Variants in PDE4C observed in about 807,000 individuals in gnomAD.
PDE4C encodes phosphodiesterase 4C, also known as 3',5'-cyclic-AMP phosphodiesterase 4C.
PDE4C carries 50 observed loss-of-function variants against 63.9 expected under a neutral mutation model. The ratio of observed to expected loss-of-function variants is 0.78; its 90% CI spans 0.62 to 0.99. PDE4C has a LOEUF of 0.99. Ranked by LOEUF, PDE4C falls within the 50% of genes least tolerant of loss-of-function variation. The pLI is 0.00. For synonymous variants in PDE4C, 377 were observed against 385.1 expected (o/e 0.98, Z 0.25); for missense variants, 777 against 899.1 (o/e 0.86, Z 1.74).
upstream of PDE4C, among the ~76,000 whole-genome samples, chr19:18,249,669 G>A (rs1484375033): frequency 6.8e-6 from 1 of 147,546 alleles, no homozygotes; most frequent in African/African-American, 2.5e-5. Flanking sequence ...CGCCTCCCTG[G>A]TTCAAGCGAT....
chr19:18,244,103 G>A (rs767852257), intron 1 of PDE4C, among the ~76,000 whole-genome samples: 9 of 151,668 alleles, frequency 5.9e-5, no homozygotes, highest in Non-Finnish European at 8.8e-5. Context: ...CTAACTCCTG[G>A]CCTCAAGTAA....
chr19:18,226,400 C>CG lies in PDE4C; in HGVS notation c.15dup (p.Ala6ArgfsTer46), dbSNP rs774975028. On this transcript the variant is annotated frameshift_variant, in exon 1 of 15. Coordinates refer to ENST00000262805, the Ensembl canonical transcript of PDE4C. LOFTEE classifies it high-confidence loss of function. ...CCGGGCCCGGGGACCGGGGCGGGCG[C>CG]GGGGGGGCCCTGCATCGCCAGGACT... 18 of 1,443,668 alleles carry CG rather than the reference C, an allele frequency of 1.2e-5. No individual in the cohort carries two copies. Among genetic ancestry groups the CG allele is most frequent in the Admixed American group, 8.2e-5 (3 of 36,498 alleles). 89.4% of individuals were successfully genotyped at this position (1,443,668 alleles called of 1,614,324 possible). A position where few individuals can be genotyped will look rare whatever the true frequency, so the allele number is the denominator to read the frequency against.
chr19:18,220,237 C>A lies in PDE4C; in HGVS notation c.695G>T (p.Arg232Leu). 3 of 1,613,712 alleles carry A rather than the reference C, an allele frequency of 1.9e-6. No homozygotes were observed. The highest frequency in any genetic ancestry group is 1.3e-5 in the African/African-American group (1 of 75,016). The stretch of plus-strand genomic sequence containing the variant: ...TCAACAAAGCTCACCCAGGAAGGTC[C>A]GGGAGATGTACTCGGACACCTGGTT... The change falls in exon 7 of 15, where the codon CGG (arginine) becomes CTG (leucine). Residue 232 changes from arginine (R) to leucine (L), a missense_variant. Around this residue, in one of 3 missense-constraint regions of PDE4C, gnomAD observed 500 missense variants for 597.8 expected, o/e 0.84. Coordinates refer to ENST00000262805, the Ensembl canonical transcript of PDE4C. The surrounding 1 kb of genome is among the most constrained non-coding windows in gnomAD (Gnocchi z 5.1).
chr19:18,231,407 T>C (rs560323884), upstream of PDE4C, among the ~76,000 whole-genome samples: 3 of 152,208 alleles, frequency 2.0e-5, no homozygotes, highest in South Asian at 6.2e-4. Context: ...TGGAAAATCA[T>C]GAGTCACCAG....
exon 1 of PDE4C, chr19:18,232,966 C>G: frequency 1.1e-5 from 16 of 1,462,494 alleles, no homozygotes; most frequent in Non-Finnish European, 1.4e-5. Context: ...CAGGAGGAAA[C>G]GGGCCAGGAG....
At chr19:18,230,473 G>A (rs755416925), upstream of PDE4C, among the ~76,000 whole-genome samples, 8 of 152,012 alleles carry the variant, frequency 5.3e-5, no homozygotes, top group Non-Finnish European at 7.4e-5. Flanking sequence ...CACTGCACCC[G>A]GCCTGGGCAA....
chr19:18,213,996 C>T (rs547778929), intron 12 of PDE4C, among the ~76,000 whole-genome samples: 14 of 152,324 alleles, frequency 9.2e-5, no homozygotes, highest in African/African-American at 3.1e-4. Flanking sequence ...CCGTGGCTCA[C>T]GCCTGTAATC....
upstream of PDE4C, among the ~76,000 whole-genome samples, chr19:18,235,022 A>G (rs1224192277): frequency 6.6e-6 from 1 of 152,118 alleles, no homozygotes; most frequent in African/African-American, 2.4e-5. Context: ...TATTCTGGAA[A>G]AGAGGAATAA....
the PDE4C span, among the ~76,000 whole-genome samples, chr19:18,254,459 T>G: frequency 1.3e-5 from 2 of 152,278 alleles, no homozygotes; most frequent in African/African-American, 4.8e-5. Flanking sequence ...GTGCTGGGTG[T>G]TTGCTCTCCC....
At chr19:18,248,091 G>C (rs1969162138) in intron 1 of PDE4C, 2 of 441,708 alleles carry the variant, frequency 4.5e-6, no homozygotes, top group African/African-American at 4.0e-5. Context: ...GGGATTACGA[G>C]ACCCCAGCAC....
chr19:18,229,408 T>C (rs1467493603), upstream of PDE4C, among the ~76,000 whole-genome samples: 2 of 152,060 alleles, frequency 1.3e-5, no homozygotes, highest in Admixed American at 6.6e-5. Context: ...GCCCAACTAA[T>C]TTTGGTATTT....
At chr19:18,208,869 G>C (rs184192513), downstream of PDE4C, 3 of 152,222 alleles carry the variant, frequency 2.0e-5, no homozygotes, top group Admixed American at 1.3e-4. Flanking sequence ...GTCTGAGGCA[G>C]TTTCAGGAAT....
intron 1 of PDE4C, chr19:18,224,396 C>T: frequency 3.0e-6 from 3 of 985,552 alleles, no homozygotes; most frequent in Non-Finnish European, 2.4e-6. Context: ...CGAGCTGGGT[C>T]GGCACCCCGC....
intron 1 of PDE4C, among the ~76,000 whole-genome samples, chr19:18,241,838 T>C (rs1382691372): frequency 1.3e-5 from 2 of 152,158 alleles, no homozygotes; most frequent in Non-Finnish European, 2.9e-5. Flanking sequence ...GCTTGAGCCA[T>C]GGCGCTGGGC....
chr19:18,224,438 T>C (rs1968637090), intron 1 of PDE4C: 2 of 985,404 alleles, frequency 2.0e-6, no homozygotes, highest in African/African-American at 1.7e-5. Flanking sequence ...GGTGGGGGAT[T>C]TGGCAGCATT....
upstream of PDE4C, among the ~76,000 whole-genome samples, chr19:18,235,822 T>A (rs944112398): frequency 1.3e-5 from 2 of 151,960 alleles, no homozygotes; most frequent in African/African-American, 4.8e-5. Flanking sequence ...CTGACACACC[T>A]GATCCTCTTG....
At chr19:18,218,378 C>T (rs760069983) in exon 10 of PDE4C, 11 of 1,614,104 alleles carry the variant, frequency 6.8e-6, no homozygotes, top group African/African-American at 2.7e-5. Flanking sequence ...GACTGGGCCA[C>T]GTCGGCGGCA....
downstream of PDE4C, chr19:18,209,885 G>C (rs1468341346): frequency 6.6e-6 from 1 of 151,856 alleles, no homozygotes; most frequent in African/African-American, 2.4e-5. Flanking sequence ...GTAGAGATGG[G>C]GTTTCACCAT....
intron 13 of PDE4C, among the ~76,000 whole-genome samples, chr19:18,212,648 A>C (rs1274224797): frequency 1.4e-5 from 2 of 145,058 alleles, no homozygotes; most frequent in Non-Finnish European, 3.0e-5. Context: ...CCTTCACTCT[A>C]AATGTGTAAG....
Sources: gnomAD v4.1 joint callset for allele counts (sites outside exome capture counted in the v4.1 genomes callset) on GRCh38, gnomAD v4.1.1 for gene constraint, gnomAD v4.1.1 regional missense constraint, Gnocchi (gnomAD v3.1) non-coding constraint, MANE v1.5 for transcripts, NCBI Gene and HGNC (gene_info 2026-07-23, HGNC 2026-07-21) for gene names.